EPHA10: variants seen among roughly 807,000 people sequenced by gnomAD.
EPHA10 encodes ephrin type-A receptor 10.
In EPHA10, 120 loss-of-function variants were observed where a neutral mutation model predicts 109.7. The ratio of observed to expected loss-of-function variants is 1.09; its 90% CI spans 0.94 to 1.27. The LOEUF (loss-of-function observed/expected upper bound fraction) is 1.27. Among genes scored for constraint, EPHA10 ranks in the 50% most tolerant of loss-of-function variants. EPHA10 has a pLI of 0.00. For synonymous variants in EPHA10, 640 were observed against 618.9 expected (o/e 1.03, Z -0.51); for missense variants, 1,396 against 1,411.1 (o/e 0.99, Z 0.17).
In EPHA10 at chr1:37,716,854, C is replaced by T. The variant is rs1645701215; in HGVS notation, c.*1518G>A. The T allele has an allele frequency of 4.3e-6, 1 of 232,990 alleles. No individual in the cohort carries two copies. Among genetic ancestry groups the T allele is most frequent in the Admixed American group, 5.6e-5 (1 of 17,768 alleles). 14.4% of individuals were successfully genotyped at this position (232,990 alleles called of 1,614,324 possible). A position where few individuals can be genotyped will look rare whatever the true frequency, so the allele number is the denominator to read the frequency against. ...ACATTAAGAGAGTGGCTATCTCCCC[C>T]TCCAGCCCACCTACCCACTGACCCA... On this transcript the variant is annotated 3_prime_UTR_variant, in exon 17 of 17. Coordinates refer to ENST00000373048, the MANE Select transcript of EPHA10 (RefSeq NM_001099439.2).
downstream of EPHA10, chr1:37,715,750 T>C: frequency 2.5e-6 from 1 of 392,790 alleles, no homozygotes; most frequent in East Asian, 5.3e-5. Flanking sequence ...GGTAACAGAC[T>C]TCTCTACATA....
rs539293601 is a variant in EPHA10 at position 37,734,562 on chromosome 1, T to G, written c.1491+695A>C. 1.6e-4 allele frequency: 71 copies of G among 437,292 alleles called. No homozygotes were observed. In the East Asian group the frequency reaches 3.6e-3, roughly 22 times the overall value. 27.1% of individuals were successfully genotyped at this position (437,292 alleles called of 1,614,324 possible). On this transcript the variant is annotated intron_variant, in intron 6 of 16. Coordinates refer to ENST00000373048, the MANE Select transcript of EPHA10 (RefSeq NM_001099439.2). ...AATAAATAAATAAATAAATAAATAA[T>G]AAAGGTAATAAACTTACGGGGAAAA... is the stretch of plus-strand genomic sequence containing the variant.
chr1:37,718,420 G>A lies in EPHA10; in HGVS notation c.2979C>T (p.Ala993=). 2 of 1,613,336 alleles carry A rather than the reference G, an allele frequency of 1.2e-6. 1 individual carries two copies. The highest frequency in any genetic ancestry group is 4.5e-5 in the East Asian group (2 of 44,884). Residue 993 remains alanine, a synonymous_variant, in exon 17 of 17, where the codon GCC becomes GCT. Transcript: ENST00000373048. ...GCAGCTGGAGCACTCGTGCCTGCAG[G>A]GCGCTGATCCCGCTGAGGAGGGCCT... ...HREALLSGIS[A]LQARVLQLQG... is the part of the protein sequence containing the mutation.
In EPHA10 at chr1:37,752,854, TG is replaced by T; in HGVS notation, c.1357+21del. 11 of 1,237,110 alleles carry T rather than the reference TG, an allele frequency of 8.9e-6. No homozygotes were observed. In the South Asian group the frequency reaches 9.0e-5, roughly 10 times the overall value. 76.6% of individuals were successfully genotyped at this position (1,237,110 alleles called of 1,614,324 possible). On this transcript the variant is annotated intron_variant, in intron 5 of 16. Transcript: ENST00000373048. ...GGCGGCAGGCGCGGTGGCCTCGGGG[TG>T]GGGGGCGCGGACGGCCTTACCCCCG...
Position 37,723,027 on chromosome 1 carries a change from G to T in EPHA10, c.1960+14C>A. 1 of 1,613,982 alleles carries T rather than the reference G, an allele frequency of 6.2e-7. No individual in the cohort carries two copies. The highest frequency in any genetic ancestry group is 8.5e-7 in the Non-Finnish European group (1 of 1,180,024). On this transcript the variant is annotated intron_variant, in intron 10 of 16. Transcript: ENST00000373048. ...TTCCAGATGGGGACAAGGCTTCCTG[G>T]GCGCCCAGCTTGCCTCCTCCAAGGC...
At chr1:37,755,017 C>G (rs1646381521) in intron 3 of EPHA10, among the ~76,000 whole-genome samples, 1 of 152,076 alleles carries the variant, frequency 6.6e-6, no homozygotes. Context: ...CCAGGCTGGT[C>G]TCGAACTCCT....
chr1:37,754,084 G>T lies in EPHA10; in HGVS notation c.1006+131C>A. ...TCCCCCGTACGCCGCCTTCCGGGGC[G>T]CTGGCCCCCATATCCGCCCACGTGC... On this transcript the variant is annotated intron_variant, in intron 4 of 16. Transcript: ENST00000373048. The surrounding 1 kb of genome is among the most constrained non-coding windows in gnomAD (Gnocchi z 4.5). The T allele has an allele frequency of 5.7e-6, 6 of 1,053,076 alleles. No homozygotes were observed. The highest frequency in any genetic ancestry group is 6.1e-6 in the Non-Finnish European group (5 of 822,482). The allele number at this position is 1,053,076 out of a possible 1,614,324, so 65.2% of individuals were successfully genotyped here.
At position 37,761,539 on chromosome 1, in the gene EPHA10, G is replaced by T; in HGVS notation, c.716C>A (p.Thr239Lys). 1 of 1,598,670 alleles carries T rather than the reference G, an allele frequency of 6.3e-7. No homozygotes were observed. ...AFSTLVEVAG[T>K]CVAHSEGEPG... ...CTCCCCTTCCGAGTGCGCCACGCAC[G>T]TTCCGGCCACTTCCACCAGTGTGGA... The change falls in exon 3 of 17, where the codon ACG (threonine) becomes AAG (lysine). Residue 239 changes from threonine to lysine, a missense_variant. Thr to Lys is a moderately conservative substitution (Grantham distance 78). Coordinates refer to ENST00000373048, the MANE Select transcript of EPHA10 (RefSeq NM_001099439.2).
chr1:37,732,862 TC>T (rs1646008736), intron 6 of EPHA10, among the ~76,000 whole-genome samples: 9 of 98,772 alleles, frequency 9.1e-5, no homozygotes, highest in African/African-American at 2.8e-4. Context: ...TTATACTTGT[TC>T]TTTTTTTTTT....
chr1:37,742,254 C>T (rs1245996035), intron 5 of EPHA10, among the ~76,000 whole-genome samples: 1 of 152,190 alleles, frequency 6.6e-6, no homozygotes, highest in East Asian at 1.9e-4. Context: ...CCTTGTCCCC[C>T]TTTCCTGCTA....
At chr1:37,743,408 G>A (rs1387080841) in intron 5 of EPHA10, among the ~76,000 whole-genome samples, 1 of 151,954 alleles carries the variant, frequency 6.6e-6, no homozygotes, top group African/African-American at 2.4e-5. Context: ...AACTGAGAAG[G>A]GCTGGGTGAA....
chr1:37,719,649 T>C, intron 14 of EPHA10, 42 bp from the exon 15 acceptor site: 3 of 1,607,586 alleles, frequency 1.9e-6, no homozygotes, highest in Admixed American at 3.3e-5. Context: ...GCTCTGGGTT[T>C]CCCCAGCATA....
At chr1:37,753,347 CGAGGGTCAGTCGGGGAG>C in intron 4 of EPHA10, 121 bp from the exon 5 acceptor site, 4 of 602,052 alleles carry the variant, frequency 6.6e-6, no homozygotes, top group Non-Finnish European at 9.5e-6. Flanking sequence ...AGCAGGGGCG[CGAGGGTCAGTCGGGGAG>C]GAGGGAACCA....
Position 37,754,859 on chromosome 1 carries a change from G to A in EPHA10, c.851-489C>T, listed in dbSNP as rs999036048. Among the ~76,000 whole-genome samples, 2 of 151,304 alleles carry A rather than the reference G, an allele frequency of 1.3e-5. No individual in the cohort carries two copies. The highest frequency in any genetic ancestry group is 2.9e-5 in the Non-Finnish European group (2 of 67,884). On this transcript the variant is annotated intron_variant, in intron 3 of 16. Transcript: ENST00000373048. This position sits in a 1 kb window ranked among gnomAD's most constrained non-coding sequence, Gnocchi z 4.5. ...ATCACCCAGGCTGGAGTGCAGTGGC[G>A]GGATCTCCACTCACTGCAACCCCCA...
Position 37,753,190 on chromosome 1 carries a change from A to G in EPHA10, c.1043T>C (p.Leu348Pro). 7.3e-7 allele frequency: 1 copy of G among 1,369,792 alleles called. No individual in the cohort carries two copies. The highest frequency in any genetic ancestry group is 9.4e-7 in the Non-Finnish European group (1 of 1,064,370). The allele number at this position is 1,369,792 out of a possible 1,614,324, so 84.9% of individuals were successfully genotyped here. ...PSAPRDLQYS[L>P]SRSPLVLRLR... ...TCGCAGCACCAGCGGCGAGCGGCTC[A>G]GGCTGTACTGCAGGTCCCGCGGCGC... Residue 348 changes from leucine to proline, a missense_variant, in exon 5 of 17, where the codon CTG becomes CCG. Coordinates refer to ENST00000373048, the MANE Select transcript of EPHA10 (RefSeq NM_001099439.2).
chr1:37,720,590 C>T (rs775661498), intron 12 of EPHA10, 36 bp from the exon 13 acceptor site: 3 of 1,583,392 alleles, frequency 1.9e-6, no homozygotes, highest in Non-Finnish European at 1.7e-6. Flanking sequence ...GGGCTGTGCG[C>T]TTGGATCCCC....
chr1:37,735,169 C>T (rs1424170714), intron 6 of EPHA10, 88 bp downstream of exon 6: 1 of 1,516,610 alleles, frequency 6.6e-7, no homozygotes, highest in Non-Finnish European at 9.0e-7. Context: ...GTAACGAGGG[C>T]TTTTGCTGGG....
In EPHA10 at chr1:37,753,081, G is replaced by A; in HGVS notation, c.1152C>T (p.Gly384=). The change falls in exon 5 of 17, where the codon GGC becomes GGT. Residue 384 remains glycine (G), a synonymous_variant. Coordinates refer to ENST00000373048, the MANE Select transcript of EPHA10 (RefSeq NM_001099439.2). ...SLLCLRCGRE[G]PAGACEPCGP... is the part of the protein sequence containing the mutation. Reference sequence around the variant, plus strand: ...CGCACGGCTCGCAGGCGCCCGCCGGGCCCTCGCGGCCGCAGCGCAGGCACA... The same window carrying A: ...CGCACGGCTCGCAGGCGCCCGCCGGACCCTCGCGGCCGCAGCGCAGGCACA... The A allele has an allele frequency of 1.5e-6, 2 of 1,303,842 alleles. No individual in the cohort carries two copies. Among genetic ancestry groups the A allele is most frequent in the Non-Finnish European group, 1.9e-6 (2 of 1,026,252 alleles). The allele number at this position is 1,303,842 out of a possible 1,614,324, so 80.8% of individuals were successfully genotyped here.
At chr1:37,759,937 A>C (rs747969537) in intron 3 of EPHA10, among the ~76,000 whole-genome samples, 2 of 152,244 alleles carry the variant, frequency 1.3e-5, no homozygotes, top group Non-Finnish European at 2.9e-5. Context: ...TGGAGAGCTC[A>C]GGAAGGTTCA....
Sources: gnomAD v4.1 joint callset for allele counts (sites outside exome capture counted in the v4.1 genomes callset) on GRCh38, gnomAD v4.1.1 for gene constraint, Gnocchi (gnomAD v3.1) non-coding constraint, MANE v1.5 for transcripts, NCBI Gene and HGNC (gene_info 2026-07-23, HGNC 2026-07-21) for gene names.